The following RNF157 variants were observed in gnomAD, a reference collection of about 807,000 sequenced individuals.
RNF157 encodes ring finger protein 157.
RNF157 carries 55 observed loss-of-function variants against 88.3 expected under a neutral mutation model. The ratio of observed to expected loss-of-function variants is 0.62; its 90% CI spans 0.50 to 0.78. The LOEUF (loss-of-function observed/expected upper bound fraction) is 0.78. Ranked by LOEUF, RNF157 falls within the 30% of genes least tolerant of loss-of-function variation. RNF157 has a pLI of 0.00. For missense variants in RNF157, 788 were observed against 860.8 expected (o/e 0.92, Z 1.06); for synonymous variants, 334 against 341.2 (o/e 0.98, Z 0.23).
At chr17:76,184,854 C>T (rs545586717) in intron 2 of RNF157, among the ~76,000 whole-genome samples, 6 of 152,322 alleles carry the variant, frequency 3.9e-5, no homozygotes, top group South Asian at 4.1e-4. Flanking sequence ...AGTCTTCGAA[C>T]TCCTCTGCTA....
Position 76,146,316 on chromosome 17 carries a change from A to G in RNF157, c.1922-963T>C. ...ACCTCACGGGCTTGCTGTGAGGACT[A>G]GATGAGAGAATGCGAGCGTTGGTGA... On this transcript the variant is annotated intron_variant, in intron 18 of 18. Transcript: ENST00000269391. This position sits in a 1 kb window ranked among gnomAD's most constrained non-coding sequence, Gnocchi z 4.2. 4 of 983,704 alleles carry G rather than the reference A, an allele frequency of 4.1e-6. No homozygotes were observed. The highest frequency in any genetic ancestry group is 9.4e-5 in the South Asian group (2 of 21,242). 60.9% of individuals were successfully genotyped at this position (983,704 alleles called of 1,614,324 possible). A position where few individuals can be genotyped will look rare whatever the true frequency, so the allele number is the denominator to read the frequency against.
rs375045427 is a variant in RNF157 at position 76,146,841 on chromosome 17, C to T, written c.1922-1488G>A. On this transcript the variant is annotated intron_variant, in intron 18 of 18. Transcript: ENST00000269391. The surrounding 1 kb of genome is among the most constrained non-coding windows in gnomAD (Gnocchi z 4.2). Reference sequence around the variant, plus strand: ...AGGCCGACCAACTGTAGAGTGTGGCCGTGAGGTTGAGAGAGGCCACTCACA... The same window carrying T: ...AGGCCGACCAACTGTAGAGTGTGGCTGTGAGGTTGAGAGAGGCCACTCACA... 3.2e-4 allele frequency: 312 copies of T among 985,444 alleles called. 3 individuals carry two copies. The East Asian group carries it at 0.015, about 46-fold the overall frequency. The allele number at this position is 985,444 out of a possible 1,614,324, so 61.0% of individuals were successfully genotyped here.
Position 76,143,370 on chromosome 17 carries a change from T to C in RNF157, c.*1865A>G, listed in dbSNP as rs1471441990. On this transcript the variant is annotated 3_prime_UTR_variant, in exon 19 of 19. Transcript: ENST00000269391. ...CCAGGTAACACCACACTGTGAATACTACCTGCAGGGGACAGGACAGGAGGT... is the reference window on the plus strand; with the variant it reads ...CCAGGTAACACCACACTGTGAATACCACCTGCAGGGGACAGGACAGGAGGT... 6.6e-6 allele frequency: 1 copy of C among 152,166 alleles called. No individual in the cohort carries two copies. Among genetic ancestry groups the C allele is most frequent in the Non-Finnish European group, 1.5e-5 (1 of 68,040 alleles). The allele number at this position is 152,166 out of a possible 1,614,324, so 9.4% of individuals were successfully genotyped here.
In RNF157 at chr17:76,158,763, A is replaced by G. The variant is rs148039929; in HGVS notation, c.1305-262T>C. On this transcript the variant is annotated intron_variant, in intron 12 of 18. Coordinates refer to ENST00000269391, the MANE Select transcript of RNF157 (RefSeq NM_052916.3). ...TTGCCTGGCTCGAAACCCAAATCTT[A>G]AGTAGGACTAGGGAAATAGAACCAG... is the stretch of plus-strand genomic sequence containing the variant. Among the ~76,000 whole-genome samples the G allele has an allele frequency of 6.3e-3, 954 of 152,170 alleles. 8 individuals are homozygous for G. Among genetic ancestry groups the G allele is most frequent in the African/African-American group, 0.022 (908 of 41,512 alleles).
chr17:76,190,688 G>A (rs143918835), intron 2 of RNF157, among the ~76,000 whole-genome samples: 2,041 of 151,972 alleles, frequency 0.013, 52 homozygotes, highest in East Asian at 0.086. Context: ...GGGAGGCCGA[G>A]ACGGGTGGAT....
Position 76,143,812 on chromosome 17 carries a change from C to T in RNF157, c.*1423G>A, listed in dbSNP as rs1487228019. 1 of 152,050 alleles carries T rather than the reference C, an allele frequency of 6.6e-6. No individual in the cohort carries two copies. The allele number at this position is 152,050 out of a possible 1,614,324, so 9.4% of individuals were successfully genotyped here. ...GTTTCGATCTTTTCAATCTTGTAGC[C>T]CAGGCTGGAGTGCAGTGGCACGATC... On this transcript the variant is annotated 3_prime_UTR_variant, in exon 19 of 19. Transcript: ENST00000269391.
Position 76,239,216 on chromosome 17 carries a change from G to T in RNF157, c.88+937C>A, listed in dbSNP as rs116599401. On this transcript the variant is annotated intron_variant, in intron 1 of 18. Transcript: ENST00000269391. ...GTAATTAATTAAAATAAAACTACTT[G>T]CAATTAAAAGTAAACACCGGCTAGG... 2.2e-3 allele frequency among the ~76,000 whole-genome samples: 330 copies of T among 152,280 alleles called. 2 individuals carry two copies. The highest frequency in any genetic ancestry group is 7.5e-3 in the African/African-American group (313 of 41,542).
rs575704410 is a variant in RNF157, at chr17:76,176,010, G to A, written c.208-2220C>T. 4.0e-4 allele frequency among the ~76,000 whole-genome samples: 61 copies of A among 152,182 alleles called. No homozygotes were observed. The highest frequency in any genetic ancestry group is 7.1e-4 in the Non-Finnish European group (48 of 68,012). On this transcript the variant is annotated intron_variant, in intron 2 of 18. Coordinates refer to ENST00000269391, the MANE Select transcript of RNF157 (RefSeq NM_052916.3). This position sits in a 1 kb window ranked among gnomAD's most constrained non-coding sequence, Gnocchi z 4.2. The stretch of plus-strand genomic sequence containing the variant: ...GCTCTCCCTGTACACACACATACAC[G>A]CACAAGACAACAACGGCAAATCTGT...
chr17:76,147,386 GCAC>G (rs1227821260), intron 18 of RNF157: 63 of 977,090 alleles, frequency 6.4e-5, no homozygotes, highest in Middle Eastern at 3.7e-4. Flanking sequence ...AAAAACAGCA[GCAC>G]CACCACCACC....
intron 1 of RNF157, among the ~76,000 whole-genome samples, chr17:76,223,879 C>A (rs1404810535): frequency 6.6e-6 from 1 of 152,218 alleles, no homozygotes; most frequent in Non-Finnish European, 1.5e-5. Flanking sequence ...TCAACACATA[C>A]ACAATTCATA....
At chr17:76,233,342 T>C (rs1598451249) in intron 1 of RNF157, among the ~76,000 whole-genome samples, 1 of 152,376 alleles carries the variant, frequency 6.6e-6, no homozygotes, top group East Asian at 1.9e-4. Flanking sequence ...GCTTGTCTTT[T>C]CAACTTTTTA....
intron 1 of RNF157, chr17:76,225,956 T>C: frequency 1.9e-6 from 3 of 1,611,666 alleles, no homozygotes; most frequent in Non-Finnish European, 2.5e-6. Flanking sequence ...TTGCTCCATT[T>C]TTTTCAGCTT....
rs534347452 is a variant in RNF157, at chr17:76,160,805, G to A, written c.1065+730C>T. Among the ~76,000 whole-genome samples, 2 of 152,310 alleles carry A rather than the reference G, an allele frequency of 1.3e-5. No homozygotes were observed. Among genetic ancestry groups the A allele is most frequent in the Admixed American group, 6.5e-5 (1 of 15,300 alleles). On this transcript the variant is annotated intron_variant, in intron 11 of 18. Transcript: ENST00000269391. This position sits in a 1 kb window ranked among gnomAD's most constrained non-coding sequence, Gnocchi z 4.3. Reference sequence around the variant, plus strand: ...CTTAGAGAATCCTTTCCAATCCAAAGTCAACTAAATAATCATCTATAATTT... The same window carrying A: ...CTTAGAGAATCCTTTCCAATCCAAAATCAACTAAATAATCATCTATAATTT...
At chr17:76,165,105 A>G (rs1299793747) in intron 7 of RNF157, among the ~76,000 whole-genome samples, 1 of 152,186 alleles carries the variant, frequency 6.6e-6, no homozygotes, top group Non-Finnish European at 1.5e-5. Flanking sequence ...GGGAAAAACC[A>G]CAGTGTATAT....
intron 2 of RNF157, among the ~76,000 whole-genome samples, chr17:76,204,189 G>A (rs2069638189): frequency 6.6e-6 from 1 of 152,144 alleles, no homozygotes; most frequent in Non-Finnish European, 1.5e-5. Context: ...ACCACTCTGA[G>A]CGCCAAAAGC....
At chr17:76,168,701 T>G (rs376954375) in intron 3 of RNF157, among the ~76,000 whole-genome samples, 15 of 152,266 alleles carry the variant, frequency 9.9e-5, no homozygotes, top group East Asian at 5.8e-4. Context: ...TCATGTTTCC[T>G]GCACCTCAAG....
rs1356805529 is a variant in RNF157, at chr17:76,152,303, G to C, written c.1921+52C>G. 2.6e-6 allele frequency: 3 copies of C among 1,170,866 alleles called. No individual in the cohort carries two copies. The African/African-American group carries it at 4.5e-5, about 18-fold the overall frequency. 72.5% of individuals were successfully genotyped at this position (1,170,866 alleles called of 1,614,324 possible). On this transcript the variant is annotated intron_variant, in intron 18 of 18. Transcript: ENST00000269391. ...TGTACCAGGGTGAGAGCAGGGGTAA[G>C]AGCACAGGGATCGTCTCCCACCAAG...
In RNF157 at chr17:76,143,600, A is replaced by C. The variant is rs2068544377; in HGVS notation, c.*1635T>G. 1 of 152,108 alleles carries C rather than the reference A, an allele frequency of 6.6e-6. No individual in the cohort carries two copies. Among genetic ancestry groups the C allele is most frequent in the Non-Finnish European group, 1.5e-5 (1 of 68,014 alleles). The allele number at this position is 152,108 out of a possible 1,614,324, so 9.4% of individuals were successfully genotyped here. On this transcript the variant is annotated 3_prime_UTR_variant, in exon 19 of 19. Coordinates refer to ENST00000269391, the MANE Select transcript of RNF157 (RefSeq NM_052916.3). ...TAAAGTCTACTGCAGTTTTTCAGAG[A>C]GGGTTGGACGACAGGCCCCCCTCTC...
At chr17:76,228,305 G>A (rs970488109) in intron 1 of RNF157, among the ~76,000 whole-genome samples, 3 of 152,052 alleles carry the variant, frequency 2.0e-5, no homozygotes, top group South Asian at 4.1e-4. Context: ...CCCCAACCCT[G>A]TACCCTTCTT....
Sources: gnomAD v4.1 joint callset for allele counts (sites outside exome capture counted in the v4.1 genomes callset) on GRCh38, gnomAD v4.1.1 for gene constraint, Gnocchi (gnomAD v3.1) non-coding constraint, MANE v1.5 for transcripts, NCBI Gene and HGNC (gene_info 2026-07-23, HGNC 2026-07-21) for gene names.